The following HSPA12A variants were observed in gnomAD, a reference collection of about 807,000 sequenced individuals.
HSPA12A encodes the protein heat shock protein family A (Hsp70) member 12A.
HSPA12A carries 28 observed loss-of-function variants against 69.2 expected under a neutral mutation model. The ratio of observed to expected loss-of-function variants is 0.40; its 90% CI spans 0.30 to 0.55. The LOEUF (loss-of-function observed/expected upper bound fraction) is 0.55, where lower values mean the gene tolerates loss of function less well. HSPA12A is among the 20% of genes least tolerant of loss of function. The pLI is 0.38. For synonymous variants in HSPA12A, 345 were observed against 370.5 expected, an observed-to-expected ratio of 0.93 and a Z score of 0.79; for missense variants, 686 against 900.7, an observed-to-expected ratio of 0.76 and a Z score of 3.05.
intron 1 of HSPA12A, among the ~76,000 whole-genome samples, chr10:116,848,025 G>A (rs927607104): frequency 6.6e-6 from 1 of 152,186 alleles, no homozygotes; most frequent in African/African-American, 2.4e-5. Context: ...GAGAGAAGCA[G>A]GTGCCTTTCT....
At chr10:116,682,619 T>G (rs1348885694) in intron 7 of HSPA12A, among the ~76,000 whole-genome samples, 2 of 152,116 alleles carry the variant, frequency 1.3e-5, no homozygotes, top group Non-Finnish European at 2.9e-5. Context: ...GACGCCTATG[T>G]GGCTATGAGA....
rs1229040017 is a variant in HSPA12A at position 116,759,028 on chromosome 10, T to C, written c.92-51743A>G. On this transcript the variant is annotated intron_variant, in intron 2 of 12. Transcript: ENST00000635765. ...CGGCTTGTTTCAGATTCTCTTTTGATGGGAACTCAGGACCTGAAGAAACAG... is the reference window on the plus strand; with the variant it reads ...CGGCTTGTTTCAGATTCTCTTTTGACGGGAACTCAGGACCTGAAGAAACAG... 3.3e-5 allele frequency among the ~76,000 whole-genome samples: 5 copies of C among 152,316 alleles called. No individual in the cohort carries two copies. In the East Asian group the frequency reaches 7.7e-4, roughly 24 times the overall value.
At chr10:116,689,838 G>C (rs1178317523) in intron 6 of HSPA12A, among the ~76,000 whole-genome samples, 1 of 151,486 alleles carries the variant, frequency 6.6e-6, no homozygotes, top group Non-Finnish European at 1.5e-5. Flanking sequence ...CTCAAAGGCA[G>C]TCATGCAGGA....
chr10:116,824,961 G>A lies in HSPA12A; in HGVS notation c.91+9974C>T, dbSNP rs145328687. On this transcript the variant is annotated intron_variant, in intron 2 of 12. Coordinates refer to the HSPA12A transcript ENST00000635765. Reference sequence around the variant, plus strand: ...CCAGCACTTTGGAAGGCCGAGGCAGGCAGATCATTTGAGCCTAGGAGTTTG... The same window carrying A: ...CCAGCACTTTGGAAGGCCGAGGCAGACAGATCATTTGAGCCTAGGAGTTTG... Among the ~76,000 whole-genome samples the A allele has an allele frequency of 8.6e-5, 13 of 150,938 alleles. No individual in the cohort carries two copies. The East Asian group carries it at 2.1e-3, about 24-fold the overall frequency.
chr10:116,680,659 T>A, intron 9 of HSPA12A, among the ~76,000 whole-genome samples: 1 of 152,200 alleles, frequency 6.6e-6, no homozygotes, highest in Non-Finnish European at 1.5e-5. Context: ...CTAATTTTTG[T>A]ATTTTTAGTA....
chr10:116,672,803 G>T lies in HSPA12A; in HGVS notation c.*1978C>A, dbSNP rs15641. 6.6e-6 allele frequency: 1 copy of T among 152,560 alleles called. No homozygotes were observed. The allele number at this position is 152,560 out of a possible 1,614,324, so 9.5% of individuals were successfully genotyped here. On this transcript the variant is annotated 3_prime_UTR_variant, in exon 12 of 12. Transcript: ENST00000369209. Reference sequence around the variant, plus strand: ...CAAAGAAAGACCCATACCATTTAGCGTTTGAAGCAGGGCAGGTAGCAAGAG... The same window carrying T: ...CAAAGAAAGACCCATACCATTTAGCTTTTGAAGCAGGGCAGGTAGCAAGAG...
chr10:116,789,212 G>A (rs1330386779), intron 2 of HSPA12A, among the ~76,000 whole-genome samples: 2 of 152,056 alleles, frequency 1.3e-5, no homozygotes, highest in Non-Finnish European at 2.9e-5. Context: ...ATATGTCAAA[G>A]ATATATCACA....
chr10:116,699,902 G>C (rs141562351), intron 4 of HSPA12A, among the ~76,000 whole-genome samples: 9 of 152,346 alleles, frequency 5.9e-5, no homozygotes, highest in African/African-American at 2.2e-4. Context: ...TGAAAGGCAG[G>C]GTGCTGGCTG....
chr10:116,692,582 C>T (rs996216430), intron 5 of HSPA12A, 115 bp from the exon 6 acceptor site: 1 of 751,706 alleles, frequency 1.3e-6, no homozygotes, highest in East Asian at 2.5e-5. Context: ...GAGCCAGTTT[C>T]AGGGTCCCCC....
rs1475605403 is a variant in HSPA12A at position 116,701,125 on chromosome 10, A to G, written c.259T>C (p.Trp87Arg). ...GACACACCAGGGTCACCTCCCTCCCATCGCCTGCCACCAAGGGAAGCAGAA... is the reference window on the plus strand; with the variant it reads ...GACACACCAGGGTCACCTCCCTCCCGTCGCCTGCCACCAAGGGAAGCAGAA... ...EPECIHVMRRWEGGDPGVSNQ... is the reference protein window; with the variant it reads ...EPECIHVMRRREGGDPGVSNQ... Residue 87 changes from tryptophan to arginine, a missense_variant, in exon 4 of 12, where the codon TGG becomes CGG. Trp to Arg is a moderately radical substitution (Grantham distance 101, BLOSUM62 -3). Coordinates refer to ENST00000369209, the MANE Select transcript of HSPA12A (RefSeq NM_025015.3). 1.2e-6 allele frequency: 2 copies of G among 1,612,942 alleles called. No individual in the cohort carries two copies. The highest frequency in any genetic ancestry group is 1.3e-5 in the African/African-American group (1 of 74,842).
chr10:116,696,646 C>T (rs558380008), intron 5 of HSPA12A, among the ~76,000 whole-genome samples: 48 of 152,242 alleles, frequency 3.2e-4, no homozygotes, highest in African/African-American at 9.9e-4. Flanking sequence ...CCGGTGGCCA[C>T]GTCACTCATT....
intron 2 of HSPA12A, among the ~76,000 whole-genome samples, chr10:116,706,636 G>A (rs551947006): frequency 1.9e-3 from 285 of 152,186 alleles, no homozygotes; most frequent in Non-Finnish European, 3.2e-3. Flanking sequence ...CCCTCTAAAC[G>A]GCCGCCCCCT....
chr10:116,834,786 G>T, intron 2 of HSPA12A: 1 of 348,328 alleles, frequency 2.9e-6, no homozygotes, highest in African/African-American at 2.1e-5. Context: ...AGCAGGTTTT[G>T]CAGCAGTGGC....
At chr10:116,844,280 C>T (rs1326119520) in intron 1 of HSPA12A, among the ~76,000 whole-genome samples, 1 of 152,098 alleles carries the variant, frequency 6.6e-6, no homozygotes, top group Non-Finnish European at 1.5e-5. Flanking sequence ...TACAAAAATG[C>T]CCAATCAAAG....
chr10:116,773,837 C>T, intron 2 of HSPA12A, among the ~76,000 whole-genome samples: 1 of 152,198 alleles, frequency 6.6e-6, no homozygotes, highest in East Asian at 1.9e-4. Context: ...GGTGATGATG[C>T]TGACAATGGT....
intron 2 of HSPA12A, among the ~76,000 whole-genome samples, chr10:116,794,432 G>C (rs919202141): frequency 6.6e-6 from 1 of 152,240 alleles, no homozygotes; most frequent in South Asian, 2.1e-4. Context: ...GGACCATAAA[G>C]CAACTCCCAA....
upstream of HSPA12A, among the ~76,000 whole-genome samples, chr10:116,743,102 G>A (rs1851569130): frequency 1.2e-5 from 1 of 82,582 alleles, no homozygotes; most frequent in Non-Finnish European, 2.7e-5. Context: ...GACCTGCGCG[G>A]GGGCCGAGCC....
chr10:116,783,087 C>G (rs1010018407), intron 2 of HSPA12A, among the ~76,000 whole-genome samples: 1 of 152,238 alleles, frequency 6.6e-6, no homozygotes, highest in Non-Finnish European at 1.5e-5. Flanking sequence ...ATGTGTTAAA[C>G]AGATACCAAT....
At chr10:116,824,714 AGGC>A (rs1434444242) in intron 2 of HSPA12A, among the ~76,000 whole-genome samples, 1 of 152,188 alleles carries the variant, frequency 6.6e-6, no homozygotes, top group Non-Finnish European at 1.5e-5. Flanking sequence ...GGCTCACTGC[AGGC>A]TCCGCCTGCC....
Sources: gnomAD v4.1 joint callset for allele counts (sites outside exome capture counted in the v4.1 genomes callset) on GRCh38, gnomAD v4.1.1 for gene constraint, MANE v1.5 for transcripts, NCBI Gene and HGNC (gene_info 2026-07-23, HGNC 2026-07-21) for gene names.